MAPRE2: variants seen among roughly 807,000 people sequenced by gnomAD.
MAPRE2 encodes the protein microtubule associated protein RP/EB family member 2.
A neutral mutation model predicts 43.2 loss-of-function variants in MAPRE2; 13 were observed. The observed-to-expected ratio is 0.30, with a 90% CI of 0.20 to 0.48. The LOEUF is 0.48. MAPRE2 is among the 20% of genes least tolerant of loss of function. The pLI, the probability that MAPRE2 is intolerant of heterozygous loss-of-function variation, is 0.99. For missense variants in MAPRE2, 161 were observed against 400.2 expected (o/e 0.40, Z 5.10); for synonymous variants, 135 against 148.8 (o/e 0.91, Z 0.68).
intron 2 of MAPRE2, among the ~76,000 whole-genome samples, chr18:35,071,255 C>T (rs1175360374): frequency 1.3e-5 from 2 of 151,844 alleles, no homozygotes; most frequent in African/African-American, 4.9e-5. Flanking sequence ...GTGACTTACG[C>T]CTGTAATCCT....
chr18:35,040,576 G>A (rs1187749803), upstream of MAPRE2, among the ~76,000 whole-genome samples: 3 of 152,192 alleles, frequency 2.0e-5, no homozygotes, highest in Non-Finnish European at 4.4e-5. Flanking sequence ...GGTATTGCAA[G>A]GATATAGAAC....
Position 35,141,386 on chromosome 18 carries a change from G to C in MAPRE2, c.*1017G>C, listed in dbSNP as rs549451125. On this transcript the variant is annotated 3_prime_UTR_variant, in exon 7 of 7. Coordinates refer to ENST00000300249, the MANE Select transcript of MAPRE2 (RefSeq NM_014268.4). ...CACTTGCTGTAAGGCTAGAAGTGAAGACCTTATTAATAGGAGCATAATTGC... is the reference window on the plus strand; with the variant it reads ...CACTTGCTGTAAGGCTAGAAGTGAACACCTTATTAATAGGAGCATAATTGC... 5.3e-5 allele frequency: 8 copies of C among 152,362 alleles called. No homozygotes were observed. Among genetic ancestry groups the C allele is most frequent in the Admixed American group, 4.6e-4 (7 of 15,306 alleles). 9.4% of individuals were successfully genotyped at this position (152,362 alleles called of 1,614,324 possible).
At chr18:35,095,392 A>ACACATG (rs1908362225) in intron 2 of MAPRE2, among the ~76,000 whole-genome samples, 1 of 149,550 alleles carries the variant, frequency 6.7e-6, no homozygotes, top group African/African-American at 2.5e-5. Flanking sequence ...ACACACACAC[A>ACACATG]CACACACACG....
intron 2 of MAPRE2, among the ~76,000 whole-genome samples, chr18:35,092,499 G>C (rs913934451): frequency 6.6e-6 from 1 of 152,080 alleles, no homozygotes; most frequent in African/African-American, 2.4e-5. Context: ...GACCTAAAAT[G>C]ATAAAACTAC....
At chr18:35,007,132 G>A (rs1182888246) in intron 2 of MAPRE2, among the ~76,000 whole-genome samples, 1 of 152,220 alleles carries the variant, frequency 6.6e-6, no homozygotes, top group South Asian at 2.1e-4. Flanking sequence ...TAAGCTTTCT[G>A]TGTCTATAGC....
At chr18:35,016,572 T>C (rs2097038395) in intron 2 of MAPRE2, among the ~76,000 whole-genome samples, 1 of 152,166 alleles carries the variant, frequency 6.6e-6, no homozygotes, top group African/African-American at 2.4e-5. Context: ...TGGAGCATTT[T>C]TCATAAGTTT....
At chr18:35,063,871 G>A (rs1172481739) in intron 1 of MAPRE2, among the ~76,000 whole-genome samples, 7 of 151,730 alleles carry the variant, frequency 4.6e-5, no homozygotes, top group Admixed American at 3.9e-4. Context: ...GGTGGCACAC[G>A]CCTGTAGTCC....
intron 1 of MAPRE2, among the ~76,000 whole-genome samples, chr18:35,059,046 A>G (rs1906384816): frequency 8.7e-6 from 1 of 115,218 alleles, no homozygotes; most frequent in African/African-American, 3.3e-5. Context: ...TGCAAAGATT[A>G]AATTAAAAAA....
intron 1 of MAPRE2, among the ~76,000 whole-genome samples, chr18:35,063,513 C>T (rs71366374): frequency 0.031 from 4,667 of 151,260 alleles, 102 homozygotes; most frequent in Middle Eastern, 0.052. Flanking sequence ...AAGAAGGTAG[C>T]TTAAATCCAA....
chr18:35,090,385 C>G (rs1443176326), intron 2 of MAPRE2, among the ~76,000 whole-genome samples: 1 of 152,026 alleles, frequency 6.6e-6, no homozygotes, highest in Non-Finnish European at 1.5e-5. Flanking sequence ...TCTGGAAGTC[C>G]TAGCCAGAGT....
At chr18:35,012,905 T>A (rs998649962) in intron 2 of MAPRE2, among the ~76,000 whole-genome samples, 2 of 152,210 alleles carry the variant, frequency 1.3e-5, no homozygotes, top group Non-Finnish European at 2.9e-5. Context: ...AAAATTTTGT[T>A]ATATGCATTT....
At chr18:34,978,089 G>C (rs2097014182) in intron 1 of MAPRE2, among the ~76,000 whole-genome samples, 1 of 152,200 alleles carries the variant, frequency 6.6e-6, no homozygotes, top group Non-Finnish European at 1.5e-5. Flanking sequence ...GCTAGTCCTC[G>C]CTGGGTCAGT....
At chr18:34,990,316 T>C (rs116426139) in intron 1 of MAPRE2, among the ~76,000 whole-genome samples, 3,330 of 152,194 alleles carry the variant, frequency 0.022, 131 homozygotes, top group African/African-American at 0.076. Flanking sequence ...CTAATACCTC[T>C]GGGAGGGATG....
chr18:35,143,396 T>C lies in MAPRE2; in HGVS notation c.*3027T>C, dbSNP rs1002490516. The C allele has an allele frequency of 6.6e-6, 1 of 152,104 alleles. No homozygotes were observed. The highest frequency in any genetic ancestry group is 2.4e-5 in the African/African-American group (1 of 41,430). The allele number at this position is 152,104 out of a possible 1,614,324, so 9.4% of individuals were successfully genotyped here. A position where few individuals can be genotyped will look rare whatever the true frequency, so the allele number is the denominator to read the frequency against. ...TGTCGCATGGTAGAATAGTTTTTTG[T>C]CTCTGAATATGTGAATAACTTGACT... is the stretch of plus-strand genomic sequence containing the variant. On this transcript the variant is annotated 3_prime_UTR_variant, in exon 7 of 7. Transcript: ENST00000300249.
At chr18:35,097,157 T>G (rs960970903) in intron 2 of MAPRE2, among the ~76,000 whole-genome samples, 1 of 152,226 alleles carries the variant, frequency 6.6e-6, no homozygotes, top group African/African-American at 2.4e-5. Context: ...CTTTATAGTG[T>G]GAGGTTCTGT....
intron 2 of MAPRE2, among the ~76,000 whole-genome samples, chr18:35,011,627 A>G (rs534196406): frequency 6.6e-5 from 10 of 152,280 alleles, no homozygotes; most frequent in African/African-American, 2.4e-4. Flanking sequence ...TCAGGAAGGG[A>G]CATGATTAGA....
At position 35,086,581 on chromosome 18, in the gene MAPRE2, T is replaced by A. The variant is rs60656940; in HGVS notation, c.251-10865T>A. ...ATTATCTATAAAAATCTATAAAAAT[T>A]TCTAAAACTTAATCTATAAAAATTT... On this transcript the variant is annotated intron_variant, in intron 2 of 6. Coordinates refer to ENST00000300249, the MANE Select transcript of MAPRE2 (RefSeq NM_014268.4). 5.7e-3 allele frequency among the ~76,000 whole-genome samples: 861 copies of A among 152,074 alleles called. 10 individuals carry two copies. Among genetic ancestry groups the A allele is most frequent in the African/African-American group, 0.02 (820 of 41,516 alleles).
Position 35,041,435 on chromosome 18 carries a change from C to T in MAPRE2, c.-105C>T. On this transcript the variant is annotated 5_prime_UTR_variant, in exon 1 of 7. Coordinates refer to ENST00000300249, the MANE Select transcript of MAPRE2 (RefSeq NM_014268.4). The stretch of plus-strand genomic sequence containing the variant: ...TGGGAGAAGGCAGTGAGCGAGCAGG[C>T]GGCAGGCACGGTCCGTGCGGAGCAG... 1.3e-6 allele frequency: 2 copies of T among 1,580,690 alleles called. No individual in the cohort carries two copies. Among genetic ancestry groups the T allele is most frequent in the Non-Finnish European group, 1.7e-6 (2 of 1,162,958 alleles).
intron 2 of MAPRE2, among the ~76,000 whole-genome samples, chr18:35,007,092 A>G (rs1830517552): frequency 6.6e-6 from 1 of 152,190 alleles, no homozygotes. Flanking sequence ...AGGGCATTAG[A>G]AATAGGAAGA....
Sources: allele counts gnomAD v4.1 joint callset (sites outside exome capture counted in the v4.1 genomes callset), GRCh38; gene constraint gnomAD v4.1.1; transcripts MANE v1.5; gene names NCBI Gene and HGNC (gene_info 2026-07-23, HGNC 2026-07-21).